The following TMEM117 variants were observed in gnomAD, a reference collection of about 807,000 sequenced individuals.
TMEM117 encodes the protein transmembrane protein 117.
A neutral mutation model predicts 52.4 loss-of-function variants in TMEM117; 27 were observed. That is an observed-to-expected ratio of 0.51 (90% CI 0.38 to 0.71). The LOEUF is 0.71. Among genes scored for constraint, TMEM117 ranks in the 30% least tolerant of loss-of-function variants. The pLI is 0.00. For missense variants in TMEM117, 556 were observed against 630.5 expected (o/e 0.88, Z 1.26); for synonymous variants, 215 against 206.3 (o/e 1.04, Z -0.36).
chr12:44,353,141 T>TTGTC (rs944566069), intron 6 of TMEM117, among the ~76,000 whole-genome samples: 7 of 152,088 alleles, frequency 4.6e-5, no homozygotes, highest in African/African-American at 1.7e-4. Context: ...TTTGATGGGG[T>TTGTC]TGTCTGTTTT....
intron 7 of TMEM117, among the ~76,000 whole-genome samples, chr12:44,379,431 G>C (rs1370553789): frequency 6.6e-6 from 1 of 152,148 alleles, no homozygotes; most frequent in African/African-American, 2.4e-5. Flanking sequence ...AATCCAATTT[G>C]TGATAAACCC....
At chr12:44,064,074 T>G (rs984443459) in intron 3 of TMEM117, among the ~76,000 whole-genome samples, 1 of 152,014 alleles carries the variant, frequency 6.6e-6, no homozygotes, top group African/African-American at 2.4e-5. Context: ...GAACCAATTC[T>G]GGAGAGAGAC....
intron 4 of TMEM117, among the ~76,000 whole-genome samples, chr12:44,173,922 T>A (rs1182199305): frequency 6.6e-6 from 1 of 152,136 alleles, no homozygotes; most frequent in Non-Finnish European, 1.5e-5. Flanking sequence ...GATGAATTAT[T>A]TATTTCTAAA....
rs115935072 is a variant in TMEM117, at chr12:44,306,425, A to G, written c.768+6686A>G. On this transcript the variant is annotated intron_variant, in intron 6 of 7. Coordinates refer to ENST00000266534, the MANE Select transcript of TMEM117 (RefSeq NM_032256.3). ...ATATATGTGCAGGTGTGTGTGTAAT[A>G]TCTTAGATTTATGTGCATCAAGTTC... Among the ~76,000 whole-genome samples, 917 of 152,294 alleles carry G rather than the reference A, an allele frequency of 6.0e-3. 12 individuals carry two copies. The highest frequency in any genetic ancestry group is 0.02 in the African/African-American group (831 of 41,572).
At chr12:44,152,428 ATATAT>A (rs1225052020) in intron 4 of TMEM117, among the ~76,000 whole-genome samples, 14 of 115,752 alleles carry the variant, frequency 1.2e-4, no homozygotes, top group African/African-American at 7.1e-5. Flanking sequence ...TTCTATATTT[ATATAT>A]TATATTTATA....
At chr12:43,920,549 C>CCTTTTT (rs1944675812) in intron 2 of TMEM117, among the ~76,000 whole-genome samples, 1 of 86,060 alleles carries the variant, frequency 1.2e-5, no homozygotes, top group African/African-American at 3.6e-5. Flanking sequence ...CCTAGAGGGC[C>CCTTTTT]TTTTTTTTTT....
At chr12:44,097,775 G>T (rs962390625) in intron 3 of TMEM117, among the ~76,000 whole-genome samples, 3 of 146,446 alleles carry the variant, frequency 2.0e-5, no homozygotes, top group Non-Finnish European at 4.4e-5. Flanking sequence ...CGAGTTAATG[G>T]GTGCAATACA....
intron 5 of TMEM117, among the ~76,000 whole-genome samples, chr12:44,272,488 A>G (rs1167262739): frequency 6.6e-6 from 1 of 152,216 alleles, no homozygotes. Context: ...ACAAAGGGCT[A>G]ATATCTAGAA....
chr12:43,797,559 G>A, the TMEM117 span: 1 of 1,368,536 alleles, frequency 7.3e-7, no homozygotes, highest in African/African-American at 1.5e-5. Flanking sequence ...AGTTCTGGAT[G>A]GTTTGACTTT....
At chr12:43,992,856 A>G (rs1212761649) in intron 3 of TMEM117, among the ~76,000 whole-genome samples, 1 of 152,142 alleles carries the variant, frequency 6.6e-6, no homozygotes, top group Non-Finnish European at 1.5e-5. Flanking sequence ...AGGTGTAATA[A>G]CCTTTATGTC....
intron 6 of TMEM117, among the ~76,000 whole-genome samples, chr12:44,311,757 GTATATA>G (rs60287681): frequency 0.023 from 2,655 of 114,988 alleles, 155 homozygotes; most frequent in African/African-American, 0.099. Context: ...GTGTATATAT[GTATATA>G]TATATGTATA....
the TMEM117 span, among the ~76,000 whole-genome samples, chr12:44,399,057 A>G: frequency 6.6e-6 from 1 of 152,154 alleles, no homozygotes; most frequent in Non-Finnish European, 1.5e-5. Context: ...GTACTCTATA[A>G]ATACATACAA....
chr12:44,038,044 T>G (rs1946738612), intron 3 of TMEM117, among the ~76,000 whole-genome samples: 1 of 152,130 alleles, frequency 6.6e-6, no homozygotes, highest in Admixed American at 6.5e-5. Flanking sequence ...TGTCACTCAC[T>G]AAAGCCCTTC....
intron 2 of TMEM117, among the ~76,000 whole-genome samples, chr12:43,917,637 A>C (rs1227206911): frequency 6.6e-6 from 1 of 152,098 alleles, no homozygotes; most frequent in East Asian, 1.9e-4. Flanking sequence ...TTTAGCTTTT[A>C]GTAACATTTA....
intron 6 of TMEM117, among the ~76,000 whole-genome samples, chr12:44,327,285 A>ACC (rs1951208989): frequency 6.6e-6 from 1 of 152,240 alleles, no homozygotes; most frequent in Admixed American, 6.5e-5. Context: ...TAGTACATTC[A>ACC]GGTATAAAAC....
the TMEM117 span, among the ~76,000 whole-genome samples, chr12:43,809,606 A>C: frequency 6.6e-6 from 1 of 152,248 alleles, no homozygotes; most frequent in Admixed American, 6.5e-5. Context: ...ATGGAGTTAG[A>C]TTGAATTTCC....
At position 44,340,772 on chromosome 12, in the gene TMEM117, T is replaced by A. The variant is rs377132046; in HGVS notation, c.769-35823T>A. On this transcript the variant is annotated intron_variant, in intron 6 of 7. Coordinates refer to ENST00000266534, the MANE Select transcript of TMEM117 (RefSeq NM_032256.3). The stretch of plus-strand genomic sequence containing the variant: ...TTACAGGGCATGTTTGAATTTCTGA[T>A]CATGTGAACATTTTTTACATTGTAC... Among the ~76,000 whole-genome samples, 32 of 152,264 alleles carry A rather than the reference T, an allele frequency of 2.1e-4. No homozygotes were observed. The South Asian group carries it at 6.2e-3, about 30-fold the overall frequency.
intron 6 of TMEM117, among the ~76,000 whole-genome samples, chr12:44,327,429 G>T (rs1408771162): frequency 6.6e-6 from 1 of 152,156 alleles, no homozygotes; most frequent in African/African-American, 2.4e-5. Flanking sequence ...TTAAGTAGAA[G>T]ATGTTTATGA....
intron 3 of TMEM117, among the ~76,000 whole-genome samples, chr12:44,034,096 A>G (rs1946675325): frequency 6.6e-6 from 1 of 152,256 alleles, no homozygotes; most frequent in Non-Finnish European, 1.5e-5. Context: ...GTCCCTCAAC[A>G]AAAGCAGGAT....
Sources: gnomAD v4.1 joint callset for allele counts (sites outside exome capture counted in the v4.1 genomes callset) on GRCh38, gnomAD v4.1.1 for gene constraint, MANE v1.5 for transcripts, NCBI Gene and HGNC (gene_info 2026-07-23, HGNC 2026-07-21) for gene names.